ZNF254: variants seen among roughly 807,000 people sequenced by gnomAD.
ZNF254 encodes the protein zinc finger protein 254.
A neutral mutation model predicts 12.4 loss-of-function variants in ZNF254; 10 were observed. The ratio of observed to expected loss-of-function variants is 0.80; its 90% CI spans 0.50 to 1.36. The LOEUF (loss-of-function observed/expected upper bound fraction) is 1.36, where lower values mean the gene tolerates loss of function less well. ZNF254 is among the 40% of genes most tolerant of loss of function. The probability of loss-of-function intolerance (pLI) is 0.00; values close to 1 mark genes in which losing one functional copy is unlikely to be tolerated. For missense variants in ZNF254, 996 were observed against 763.9 expected (o/e 1.30, Z -3.58); for synonymous variants, 305 against 253.4 (o/e 1.20, Z -1.93).
intron 3 of ZNF254, among the ~76,000 whole-genome samples, chr19:24,117,408 C>T (rs1392268024): frequency 3.3e-5 from 5 of 152,160 alleles, no homozygotes; most frequent in Non-Finnish European, 5.9e-5. Flanking sequence ...GCGGGTGCCC[C>T]TCCCCCAGCC....
chr19:24,096,386 A>G (rs1435569681), intron 1 of ZNF254, among the ~76,000 whole-genome samples: 1 of 152,088 alleles, frequency 6.6e-6, no homozygotes, highest in African/African-American at 2.4e-5. Flanking sequence ...TTTGTTTAAA[A>G]TAACTTCTTG....
chr19:24,050,349 A>G (rs1970598335), intron 2 of ZNF254, among the ~76,000 whole-genome samples: 1 of 152,042 alleles, frequency 6.6e-6, no homozygotes, highest in African/African-American at 2.4e-5. Context: ...CAGTAGAGAC[A>G]AGATATCACC....
intron 3 of ZNF254, chr19:24,106,901 G>T (rs1253848640): frequency 4.8e-6 from 2 of 416,594 alleles, no homozygotes; most frequent in Non-Finnish European, 8.5e-6. Flanking sequence ...GCATACAAAA[G>T]AGTGTACAAT....
chr19:24,113,062 C>A (rs1337588395), intron 3 of ZNF254, among the ~76,000 whole-genome samples: 3 of 152,112 alleles, frequency 2.0e-5, no homozygotes, highest in Non-Finnish European at 4.4e-5. Context: ...GAAAAAGAGT[C>A]CTGGATCAGA....
chr19:24,060,423 C>T (rs1971022457), intron 2 of ZNF254, among the ~76,000 whole-genome samples: 1 of 152,138 alleles, frequency 6.6e-6, no homozygotes, highest in South Asian at 2.1e-4. Context: ...TTGTGACATA[C>T]TACAGTGCCC....
intron 1 of ZNF254, among the ~76,000 whole-genome samples, chr19:24,097,044 A>C (rs560743811): frequency 6.6e-6 from 1 of 152,360 alleles, no homozygotes; most frequent in African/African-American, 2.4e-5. Flanking sequence ...CTTTTCTTAA[A>C]ACATTTAGAT....
chr19:24,127,805 A>G lies in ZNF254; in HGVS notation c.1805A>G (p.Tyr602Cys), dbSNP rs150914539. ...HKVIHTGVKP[Y>C]KCEECGKAFF... ...GTAATTCATACTGGAGTAAAACCCT[A>G]CAAATGTGAAGAATGTGGCAAAGCA... The change falls in exon 4 of 4, where the codon TAC becomes TGC. Residue 602 changes from tyrosine (Y) to cysteine (C), a missense_variant. Tyr to Cys is a radical substitution (Grantham distance 194). Coordinates refer to ENST00000357002, the MANE Select transcript of ZNF254 (RefSeq NM_203282.4). 1.6e-4 allele frequency: 254 copies of G among 1,612,910 alleles called. No individual in the cohort carries two copies. The highest frequency in any genetic ancestry group is 2.0e-4 in the Non-Finnish European group (233 of 1,179,680).
intron 1 of ZNF254, among the ~76,000 whole-genome samples, chr19:24,088,936 CGT>C (rs1253580620): frequency 2.0e-5 from 3 of 148,456 alleles, no homozygotes; most frequent in African/African-American, 7.5e-5. Flanking sequence ...GTATTACAGA[CGT>C]GAGCCATCTC....
chr19:24,034,331 A>T (rs923784166), intron 1 of ZNF254, among the ~76,000 whole-genome samples: 1 of 152,064 alleles, frequency 6.6e-6, no homozygotes, highest in African/African-American at 2.4e-5. Flanking sequence ...ATGCTTAGAG[A>T]AGCTGCAGAG....
At chr19:24,049,215 T>TATA (rs1491192531) in intron 2 of ZNF254, among the ~76,000 whole-genome samples, 1,033 of 26,196 alleles carry the variant, frequency 0.039, 3 homozygotes, top group Non-Finnish European at 0.072. Context: ...TATATATATA[T>TATA]TTTTTTTTTT....
chr19:24,072,843 C>T (rs1333420260), intron 2 of ZNF254, among the ~76,000 whole-genome samples: 1 of 152,180 alleles, frequency 6.6e-6, no homozygotes, highest in Non-Finnish European at 1.5e-5. Context: ...CTGATCCCTA[C>T]CCTGGAAAAA....
chr19:24,114,612 G>A (rs1973912865), intron 3 of ZNF254, among the ~76,000 whole-genome samples: 1 of 127,458 alleles, frequency 7.8e-6, no homozygotes, highest in African/African-American at 3.4e-5. Flanking sequence ...CCGGACATAG[G>A]CATGGGCAAG....
intron 1 of ZNF254, among the ~76,000 whole-genome samples, chr19:24,102,269 C>A (rs1460760453): frequency 2.3e-5 from 3 of 128,754 alleles, no homozygotes; most frequent in East Asian, 2.3e-4. Context: ...ACTTATTTAT[C>A]TTCTAAATTA....
At chr19:24,050,352 A>G (rs549644691) in intron 2 of ZNF254, among the ~76,000 whole-genome samples, 9 of 152,034 alleles carry the variant, frequency 5.9e-5, no homozygotes, top group African/African-American at 2.2e-4. Flanking sequence ...TAGAGACAAG[A>G]TATCACCCTG....
At chr19:24,087,080 T>C (rs1972067692), upstream of ZNF254, 12 of 508,984 alleles carry the variant, frequency 2.4e-5, no homozygotes, top group Non-Finnish European at 3.6e-5. Context: ...ACTCAGGGTC[T>C]GAGTAGGCGG....
chr19:24,039,717 T>C (rs969941066), intron 1 of ZNF254, among the ~76,000 whole-genome samples: 2 of 152,336 alleles, frequency 1.3e-5, no homozygotes, highest in East Asian at 3.9e-4. Context: ...ATTATTATTC[T>C]AGAGCCAGTA....
At chr19:24,046,572 A>G (rs932589891) in intron 2 of ZNF254, among the ~76,000 whole-genome samples, 1 of 151,878 alleles carries the variant, frequency 6.6e-6, no homozygotes, top group Non-Finnish European at 1.5e-5. Flanking sequence ...CCATACACAC[A>G]ATTCAAAATA....
At chr19:24,099,105 T>G (rs1245356147) in intron 1 of ZNF254, 1 of 149,378 alleles carries the variant, frequency 6.7e-6, no homozygotes, top group Non-Finnish European at 1.5e-5. Flanking sequence ...GAAGCAATTC[T>G]TCTGCCTCAG....
At chr19:24,112,896 C>T (rs1599736046) in intron 3 of ZNF254, among the ~76,000 whole-genome samples, 3 of 152,250 alleles carry the variant, frequency 2.0e-5, no homozygotes, top group African/African-American at 7.2e-5. Flanking sequence ...GAGAATACTA[C>T]AAACACCTCT....
Sources: gnomAD v4.1 joint callset for allele counts (sites outside exome capture counted in the v4.1 genomes callset) on GRCh38, gnomAD v4.1.1 for gene constraint, MANE v1.5 for transcripts, NCBI Gene and HGNC (gene_info 2026-07-23, HGNC 2026-07-21) for gene names.